NTM: variants seen among roughly 807,000 people sequenced by gnomAD.
NTM encodes neurotrimin.
Under a neutral mutation model 42.1 loss-of-function variants are expected in NTM, and 13 were observed. That is an observed-to-expected ratio of 0.31 (90% CI 0.20 to 0.49). The LOEUF (loss-of-function observed/expected upper bound fraction) is 0.49. Among genes scored for constraint, NTM ranks in the 20% least tolerant of loss-of-function variants. The probability of loss-of-function intolerance (pLI) is 0.99; values close to 1 mark genes in which losing one functional copy is unlikely to be tolerated. For synonymous variants in NTM, 187 were observed against 179.2 expected (o/e 1.04, Z -0.35); for missense variants, 373 against 452.8 (o/e 0.82, Z 1.60).
intron 1 of NTM, among the ~76,000 whole-genome samples, chr11:131,577,340 A>G (rs937416503): frequency 2.0e-5 from 3 of 152,134 alleles, no homozygotes; most frequent in African/African-American, 4.8e-5. Context: ...TCAGTAATGG[A>G]CTTACTTAGT....
intron 1 of NTM, among the ~76,000 whole-genome samples, chr11:131,564,849 GCACACACATA>G (rs1235384397): frequency 4.6e-4 from 69 of 151,108 alleles, no homozygotes; most frequent in East Asian, 9.7e-4. Flanking sequence ...ATGCTCACAT[GCACACACATA>G]CACACACATA....
intron 2 of NTM, among the ~76,000 whole-genome samples, chr11:132,096,243 A>G (rs2136474840): frequency 6.6e-6 from 1 of 152,232 alleles, no homozygotes; most frequent in Non-Finnish European, 1.5e-5. Flanking sequence ...TCAGTTTCAC[A>G]TTACTAGAGT....
At chr11:131,752,369 C>A (rs2135712442) in intron 1 of NTM, among the ~76,000 whole-genome samples, 1 of 152,276 alleles carries the variant, frequency 6.6e-6, no homozygotes, top group Non-Finnish European at 1.5e-5. Context: ...GAATGACGAT[C>A]ATTAAAAAGT....
chr11:131,733,536 G>T (rs3105608), intron 1 of NTM, among the ~76,000 whole-genome samples: 18,386 of 84,130 alleles, frequency 0.22, 1,366 homozygotes, highest in Middle Eastern at 0.38. Context: ...TCTTTCTTTC[G>T]TTGTTTTTTG....
At chr11:132,313,578 A>ATTCTAAGAAATGGACATTT (rs1275004895) in intron 6 of NTM, among the ~76,000 whole-genome samples, 3 of 152,204 alleles carry the variant, frequency 2.0e-5, no homozygotes, top group Non-Finnish European at 4.4e-5. Flanking sequence ...CTTAAAGCTC[A>ATTCTAAGAAATGGACATTT]TTCTAAGAAA....
At chr11:132,121,073 T>C (rs2064738582) in intron 2 of NTM, among the ~76,000 whole-genome samples, 1 of 152,190 alleles carries the variant, frequency 6.6e-6, no homozygotes, top group African/African-American at 2.4e-5. Context: ...TCCTCAAAGT[T>C]TGCAGTGTTC....
intron 1 of NTM, among the ~76,000 whole-genome samples, chr11:131,429,490 A>G (rs1948475727): frequency 6.6e-6 from 1 of 152,218 alleles, no homozygotes; most frequent in Admixed American, 6.5e-5. Flanking sequence ...TAGAGCAATC[A>G]TCTGTGATGC....
At chr11:131,788,565 C>T (rs1332265880) in intron 1 of NTM, among the ~76,000 whole-genome samples, 3 of 152,244 alleles carry the variant, frequency 2.0e-5, no homozygotes, top group South Asian at 2.1e-4. Context: ...CACAATCAGA[C>T]GTGTTTTCTC....
chr11:132,119,439 T>A (rs2064406456), intron 2 of NTM, among the ~76,000 whole-genome samples: 1 of 152,038 alleles, frequency 6.6e-6, no homozygotes, highest in African/African-American at 2.4e-5. Flanking sequence ...GAACAGCCAA[T>A]TCCATTACCA....
At chr11:132,084,957 A>G (rs2059522794) in intron 2 of NTM, among the ~76,000 whole-genome samples, 1 of 152,218 alleles carries the variant, frequency 6.6e-6, no homozygotes, top group South Asian at 2.1e-4. Context: ...TAAATCTTTT[A>G]TAACCCTTTA....
At chr11:131,691,098 G>A (rs1213768425) in intron 1 of NTM, among the ~76,000 whole-genome samples, 2 of 152,190 alleles carry the variant, frequency 1.3e-5, no homozygotes, top group African/African-American at 4.8e-5. Context: ...GCCCCACTCT[G>A]GAGCCGGGGA....
intron 1 of NTM, among the ~76,000 whole-genome samples, chr11:131,585,003 T>TG (rs750157200): frequency 1.1e-4 from 16 of 142,122 alleles, no homozygotes; most frequent in South Asian, 2.5e-4. Flanking sequence ...GGGGGTGCAG[T>TG]GGGGGGGAAG....
chr11:131,962,291 G>A (rs557359549), intron 2 of NTM, among the ~76,000 whole-genome samples: 215 of 152,320 alleles, frequency 1.4e-3, no homozygotes, highest in Non-Finnish European at 2.4e-3. Context: ...ATGCCAATAA[G>A]CAAGGCACAA....
At chr11:132,133,884 C>T (rs2067256286) in intron 2 of NTM, among the ~76,000 whole-genome samples, 1 of 152,156 alleles carries the variant, frequency 6.6e-6, no homozygotes, top group Admixed American at 6.6e-5. Context: ...AGCATACTTC[C>T]CAGCCTGGCA....
chr11:132,124,393 G>C (rs1351947281), intron 2 of NTM, among the ~76,000 whole-genome samples: 1 of 152,160 alleles, frequency 6.6e-6, no homozygotes, highest in African/African-American at 2.4e-5. Flanking sequence ...CCAGCACAGT[G>C]CCGCCCTGTT....
At chr11:132,286,351 A>T (rs899903885) in intron 4 of NTM, among the ~76,000 whole-genome samples, 9 of 152,192 alleles carry the variant, frequency 5.9e-5, no homozygotes, top group Non-Finnish European at 1.2e-4. Flanking sequence ...ACAGTTTAAA[A>T]ATAGTAGTTC....
chr11:131,838,781 A>C (rs1184972424), intron 1 of NTM, among the ~76,000 whole-genome samples: 1 of 152,174 alleles, frequency 6.6e-6, no homozygotes, highest in South Asian at 2.1e-4. Context: ...AGAATACAAA[A>C]AAACATTCCA....
At chr11:131,830,556 T>C (rs939753947) in intron 1 of NTM, among the ~76,000 whole-genome samples, 55 of 143,888 alleles carry the variant, frequency 3.8e-4, no homozygotes, top group African/African-American at 1.2e-3. Flanking sequence ...GCCATGCTGT[T>C]TGGGTTACTG....
intron 1 of NTM, among the ~76,000 whole-genome samples, chr11:131,710,020 G>A (rs2076962036): frequency 6.6e-6 from 1 of 152,148 alleles, no homozygotes; most frequent in Non-Finnish European, 1.5e-5. Flanking sequence ...TGTTGACTGA[G>A]AACACACACT....
Sources: allele counts gnomAD v4.1 joint callset (sites outside exome capture counted in the v4.1 genomes callset), GRCh38; gene constraint gnomAD v4.1.1; transcripts MANE v1.5; gene names NCBI Gene and HGNC (gene_info 2026-07-23, HGNC 2026-07-21).